Variants in PRKCQ observed in about 807,000 individuals in gnomAD.
PRKCQ encodes protein kinase C theta.
A neutral mutation model predicts 91.2 loss-of-function variants in PRKCQ; 41 were observed. The observed-to-expected ratio is 0.45, with a 90% CI of 0.35 to 0.58. The LOEUF (loss-of-function observed/expected upper bound fraction) is 0.58. PRKCQ is among the 20% of genes least tolerant of loss of function. The pLI is 0.00. For missense variants in PRKCQ, 673 were observed against 896.5 expected, an observed-to-expected ratio of 0.75 and a Z score of 3.18; for synonymous variants, 307 against 316.9, an observed-to-expected ratio of 0.97 and a Z score of 0.33.
chr10:6,474,738 G>T (rs764473662), intron 12 of PRKCQ, among the ~76,000 whole-genome samples: 1 of 152,122 alleles, frequency 6.6e-6, no homozygotes, highest in Admixed American at 6.5e-5. Flanking sequence ...AAATCTACTT[G>T]TAAGTGGATA....
intron 8 of PRKCQ, among the ~76,000 whole-genome samples, chr10:6,489,856 A>T (rs1359951831): frequency 1.3e-5 from 2 of 152,116 alleles, no homozygotes; most frequent in Non-Finnish European, 2.9e-5. Flanking sequence ...GAGCCATGAA[A>T]TAACGCCCAG....
At chr10:6,419,624 T>G in the PRKCQ span, among the ~76,000 whole-genome samples, 13 of 152,124 alleles carry the variant, frequency 8.5e-5, no homozygotes, top group Non-Finnish European at 1.9e-4. Flanking sequence ...AAAATAGTTA[T>G]TAATATGCTT....
At chr10:6,424,317 C>A (rs1292044607), downstream of PRKCQ, among the ~76,000 whole-genome samples, 4 of 152,072 alleles carry the variant, frequency 2.6e-5, no homozygotes, top group Admixed American at 2.6e-4. Context: ...TAATTGAAAA[C>A]CGATTTAAAG....
At chr10:6,554,681 CT>C (rs1313888042) in intron 1 of PRKCQ, among the ~76,000 whole-genome samples, 2 of 152,160 alleles carry the variant, frequency 1.3e-5, no homozygotes, top group Non-Finnish European at 2.9e-5. Context: ...TTCAATAAGT[CT>C]TTTATTAGAA....
At chr10:6,534,802 A>C (rs983346157) in intron 1 of PRKCQ, among the ~76,000 whole-genome samples, 1 of 148,172 alleles carries the variant, frequency 6.7e-6, no homozygotes, top group Non-Finnish European at 1.5e-5. Flanking sequence ...AGATATATAT[A>C]TATATATATA....
intron 1 of PRKCQ, among the ~76,000 whole-genome samples, chr10:6,528,496 T>C (rs1243153066): frequency 6.6e-6 from 1 of 152,178 alleles, no homozygotes; most frequent in Non-Finnish European, 1.5e-5. Flanking sequence ...CCAACTTATT[T>C]GCCTGAACGT....
chr10:6,458,279 G>T (rs867443750), intron 14 of PRKCQ, among the ~76,000 whole-genome samples: 1 of 152,168 alleles, frequency 6.6e-6, no homozygotes, highest in Middle Eastern at 3.2e-3. Context: ...CTGAAAGGCT[G>T]CCATGTGAAG....
chr10:6,515,327 CCA>C, intron 1 of PRKCQ, 183 bp from the exon 2 acceptor site: 2 of 1,492,600 alleles, frequency 1.3e-6, no homozygotes, highest in Non-Finnish European at 1.8e-6. Context: ...TCACCCAAAA[CCA>C]CACACTGACT....
Position 6,465,557 on chromosome 10 carries a change from A to T in PRKCQ, c.1354-1153T>A, listed in dbSNP as rs1278517624. On this transcript the variant is annotated intron_variant, in intron 12 of 17. Coordinates refer to ENST00000263125, the MANE Select transcript of PRKCQ (RefSeq NM_006257.5). This position sits in a 1 kb window ranked among gnomAD's most constrained non-coding sequence, Gnocchi z 4.4. ...GCATCACAGAATCAGTAATCCATAA[A>T]GTGTGAGGACCTTCGGTGCGTCTGG... Among the ~76,000 whole-genome samples the T allele has an allele frequency of 6.6e-6, 1 of 152,254 alleles. No individual in the cohort carries two copies. The highest frequency in any genetic ancestry group is 1.5e-5 in the Non-Finnish European group (1 of 68,056).
At chr10:6,548,716 C>T (rs1840065172) in intron 1 of PRKCQ, among the ~76,000 whole-genome samples, 1 of 118,184 alleles carries the variant, frequency 8.5e-6, no homozygotes, top group Non-Finnish European at 1.6e-5. Context: ...GGGAACATCA[C>T]ACTCTGGGGA....
chr10:6,449,737 G>A (rs4562704), intron 15 of PRKCQ, among the ~76,000 whole-genome samples: 58,538 of 152,004 alleles, frequency 0.39, 11,668 homozygotes, highest in East Asian at 0.5. Context: ...CTGATCTCTC[G>A]GCAGAAACTC....
At chr10:6,531,060 T>A (rs940147512) in intron 1 of PRKCQ, among the ~76,000 whole-genome samples, 2 of 152,122 alleles carry the variant, frequency 1.3e-5, no homozygotes, top group Non-Finnish European at 2.9e-5. Context: ...GCCCACATGT[T>A]CTCAGAGATG....
intron 16 of PRKCQ, among the ~76,000 whole-genome samples, chr10:6,436,113 T>TA (rs981727359): frequency 1.3e-5 from 2 of 152,204 alleles, no homozygotes; most frequent in South Asian, 4.2e-4. Context: ...CACTCTGTCT[T>TA]AAAAAAGAAA....
chr10:6,529,712 G>C (rs184337802), intron 1 of PRKCQ, among the ~76,000 whole-genome samples: 72 of 152,266 alleles, frequency 4.7e-4, no homozygotes, highest in African/African-American at 1.5e-3. Context: ...GTACAGTCTT[G>C]GACAAGTGAC....
Position 6,462,686 on chromosome 10 carries a change from T to TAA in PRKCQ, c.1446-323_1446-322dup, listed in dbSNP as rs569386192. On this transcript the variant is annotated intron_variant, in intron 13 of 17. Coordinates refer to ENST00000263125, the MANE Select transcript of PRKCQ (RefSeq NM_006257.5). ...TTTTTTTTGTTGTTTTTGCTATTGC[T>TAA]AATAAAACATACACAGACATTAAAA... Among the ~76,000 whole-genome samples, 230 of 152,276 alleles carry TAA rather than the reference T, an allele frequency of 1.5e-3. 1 individual carries two copies. Among genetic ancestry groups the TAA allele is most frequent in the African/African-American group, 5.3e-3 (222 of 41,568 alleles).
intron 1 of PRKCQ, 115 bp from the exon 2 acceptor site, chr10:6,515,259 C>T: frequency 6.4e-7 from 1 of 1,556,874 alleles, no homozygotes; most frequent in Non-Finnish European, 8.6e-7. Context: ...TCACATAGGT[C>T]CACTATCCAT....
rs1216781637 is a variant in PRKCQ, at chr10:6,427,697, C to G, written c.*510G>C. On this transcript the variant is annotated 3_prime_UTR_variant, in exon 18 of 18. Transcript: ENST00000263125. Reference sequence around the variant, plus strand: ...CCATAAAAACCTATCCAGGGCTGGCCCCCCAGCCATTTACACATCCACAGA... The same window carrying G: ...CCATAAAAACCTATCCAGGGCTGGCGCCCCAGCCATTTACACATCCACAGA... 1 of 154,382 alleles carries G rather than the reference C, an allele frequency of 6.5e-6. No individual in the cohort carries two copies. The highest frequency in any genetic ancestry group is 1.4e-5 in the Non-Finnish European group (1 of 69,400). The allele number at this position is 154,382 out of a possible 1,614,324, so 9.6% of individuals were successfully genotyped here.
At chr10:6,404,702 TTTC>T in the PRKCQ span, among the ~76,000 whole-genome samples, 1 of 149,806 alleles carries the variant, frequency 6.7e-6, no homozygotes, top group African/African-American at 2.5e-5. Flanking sequence ...TCTTTCCTTT[TTTC>T]TTTCTTTCTC....
Position 6,497,645 on chromosome 10 carries a change from C to T in PRKCQ, c.543-394G>A, listed in dbSNP as rs1837691549. ...TAACATTTTATTTCCTCTTTCTGAGCATCTGAGAATATTTGCAACCAACAA... is the reference window on the plus strand; with the variant it reads ...TAACATTTTATTTCCTCTTTCTGAGTATCTGAGAATATTTGCAACCAACAA... On this transcript the variant is annotated intron_variant, in intron 5 of 17. Transcript: ENST00000263125. The surrounding 1 kb of genome is among the most constrained non-coding windows in gnomAD (Gnocchi z 4.5). Among the ~76,000 whole-genome samples, 1 of 152,188 alleles carries T rather than the reference C, an allele frequency of 6.6e-6. No individual in the cohort carries two copies. The highest frequency in any genetic ancestry group is 6.5e-5 in the Admixed American group (1 of 15,282).
Sources: gnomAD v4.1 joint callset for allele counts (sites outside exome capture counted in the v4.1 genomes callset) on GRCh38, gnomAD v4.1.1 for gene constraint, Gnocchi (gnomAD v3.1) non-coding constraint, MANE v1.5 for transcripts, NCBI Gene and HGNC (gene_info 2026-07-23, HGNC 2026-07-21) for gene names.